Variants in NUP188 observed in about 807,000 individuals in gnomAD.
The protein encoded by NUP188 is nucleoporin NUP188.
In NUP188, 97 loss-of-function variants were observed where a neutral mutation model predicts 223.0. The observed-to-expected ratio is 0.43, with a 90% CI of 0.37 to 0.51. The LOEUF is 0.51. NUP188 is among the 20% of genes least tolerant of loss of function. NUP188 has a pLI of 0.00. For synonymous variants in NUP188, 869 were observed against 828.0 expected, an observed-to-expected ratio of 1.05 and a Z score of -0.85; for missense variants, 1,947 against 2,175.6, an observed-to-expected ratio of 0.89 and a Z score of 2.09.
chr9:128,982,803 A>T, intron 16 of NUP188, 99 bp from the exon 17 acceptor site: 2 of 1,588,562 alleles, frequency 1.3e-6, no homozygotes, highest in Non-Finnish European at 8.6e-7. Flanking sequence ...AACCATCAAG[A>T]TTGTGATTTG....
At chr9:128,990,340 A>G (rs1262449200) in intron 25 of NUP188, 114 bp downstream of exon 25, 3 of 863,318 alleles carry the variant, frequency 3.5e-6, no homozygotes, top group South Asian at 2.8e-5. Flanking sequence ...ATATAATTCC[A>G]GCACTTTGGG....
intron 20 of NUP188, 38 bp downstream of exon 20, chr9:128,985,052 A>C (rs1353988236): frequency 2.1e-6 from 3 of 1,435,746 alleles, no homozygotes; most frequent in Non-Finnish European, 2.9e-6. Flanking sequence ...CAGAAAAAGA[A>C]AAGGTCCAGT....
Position 129,005,776 on chromosome 9 carries a change from G to A in NUP188, c.4869G>A (p.Glu1623=), listed in dbSNP as rs1389577675. 6.2e-7 allele frequency: 1 copy of A among 1,607,538 alleles called. No homozygotes were observed. Residue 1623 remains glutamate, a splice_region_variant and synonymous_variant, in exon 41 of 44, where the codon GAG becomes GAA. Transcript: ENST00000372577. ...TVNVALNMLG[E]LDKKKEPLTQ... is the part of the protein sequence containing the mutation. ...ATGTGGCCCTCAACATGCTTGGAGA[G>A]GTAAGTTGGTTCTGTCAGACACTGT... is the stretch of plus-strand genomic sequence containing the variant.
At chr9:129,001,134 A>G (rs1371318542) in intron 34 of NUP188, among the ~76,000 whole-genome samples, 2 of 152,174 alleles carry the variant, frequency 1.3e-5, no homozygotes, top group Non-Finnish European at 2.9e-5. Context: ...AGGATTATTT[A>G]GGAGATGGTT....
intron 31 of NUP188, 92 bp from the exon 32 acceptor site, chr9:128,998,446 C>T: frequency 8.4e-7 from 1 of 1,196,252 alleles, no homozygotes; most frequent in Non-Finnish European, 1.2e-6. Flanking sequence ...GAGCTCACTG[C>T]TGGGGAAGAA....
intron 8 of NUP188, among the ~76,000 whole-genome samples, chr9:128,966,128 C>CGTGTGTGTGTGTGTGTGT: frequency 7.3e-6 from 1 of 136,864 alleles, no homozygotes; most frequent in South Asian, 2.4e-4. Flanking sequence ...TTTCTGCCTC[C>CGTGTGTGTGTGTGTGTGT]GTGTGTGTGT....
rs1442794896 is a variant in NUP188, at chr9:128,959,068, C to T, written c.519C>T (p.Tyr173=). The part of the protein sequence containing the change: ...DKLEKELVSK[Y]RQQFEELYKT... ...TGGAGAAGGAACTAGTTTCAAAATA[C>T]AGACAGCAGTTCGAAGAGCTTTATA... The change falls in exon 8 of 44, where the codon TAC becomes TAT. Residue 173 remains tyrosine, a synonymous_variant. Transcript: ENST00000372577. 1 of 1,602,334 alleles carries T rather than the reference C, an allele frequency of 6.2e-7. No individual in the cohort carries two copies. Among genetic ancestry groups the T allele is most frequent in the East Asian group, 2.2e-5 (1 of 44,466 alleles).
rs1588266447 is a variant in NUP188, at chr9:128,951,218, G to A, written c.88-1555G>A. 2.7e-5 allele frequency among the ~76,000 whole-genome samples: 4 copies of A among 150,860 alleles called. No homozygotes were observed. In the East Asian group the frequency reaches 7.8e-4, roughly 29 times the overall value. ...AGCTACTCGGGAGGCTGAGGCAGGA[G>A]ATTCGCTTGAACCCGGAAGTGGAGG... On this transcript the variant is annotated intron_variant, in intron 2 of 43. Transcript: ENST00000372577.
At chr9:128,947,776 G>C in intron 1 of NUP188, 25 bp downstream of exon 1, 1 of 1,403,118 alleles carries the variant, frequency 7.1e-7, no homozygotes, top group Non-Finnish European at 9.3e-7. Flanking sequence ...GAATGGACCG[G>C]GGTGGCTGTG....
chr9:129,004,281 CAAA>C (rs560251172), intron 38 of NUP188, among the ~76,000 whole-genome samples: 10 of 89,658 alleles, frequency 1.1e-4, no homozygotes, highest in Admixed American at 4.2e-4. Context: ...GACTCCGTCT[CAAA>C]AAAAAAAAAA....
At chr9:129,005,064 C>A (rs1842755817) in intron 38 of NUP188, 83 bp from the exon 39 acceptor site, 2 of 922,004 alleles carry the variant, frequency 2.2e-6, no homozygotes, top group East Asian at 4.8e-5. Flanking sequence ...ATGGGTGTTA[C>A]ATGGAGGGCT....
rs748317043 is a variant in NUP188, at chr9:128,990,139, C to T, written c.2553C>T (p.Leu851=). The change falls in exon 25 of 44, where the codon CTC becomes CTT. Residue 851 remains leucine (L), a synonymous_variant. Coordinates refer to ENST00000372577, the MANE Select transcript of NUP188 (RefSeq NM_015354.3). ...LSQHGAHGNN[L]IAVLAKYIYH... ...CTTTAGGTGCTCATGGAAACAACCT[C>T]ATTGCTGTTCTAGCCAAATACATCT... The T allele has an allele frequency of 6.2e-7, 1 of 1,613,926 alleles. No individual in the cohort carries two copies. Among genetic ancestry groups the T allele is most frequent in the Non-Finnish European group, 8.5e-7 (1 of 1,179,784 alleles).
At chr9:128,966,673 C>A (rs1014784776) in intron 8 of NUP188, among the ~76,000 whole-genome samples, 7 of 152,134 alleles carry the variant, frequency 4.6e-5, no homozygotes, top group African/African-American at 1.7e-4. Context: ...TTATTTGATT[C>A]TGTTATCAGA....
intron 8 of NUP188, among the ~76,000 whole-genome samples, chr9:128,960,531 C>T (rs1180251390): frequency 6.6e-6 from 1 of 152,114 alleles, no homozygotes; most frequent in Non-Finnish European, 1.5e-5. Flanking sequence ...ACATTTCTGT[C>T]TCAGAAAGTT....
At chr9:128,947,902 T>C (rs1841710823) in intron 1 of NUP188, 151 bp downstream of exon 1, 1 of 623,000 alleles carries the variant, frequency 1.6e-6, no homozygotes, top group Non-Finnish European at 2.4e-6. Flanking sequence ...GGCGGTTACG[T>C]CCAAACGGTC....
At chr9:128,987,161 C>G (rs1452682053) in intron 22 of NUP188, among the ~76,000 whole-genome samples, 1 of 147,146 alleles carries the variant, frequency 6.8e-6, no homozygotes, top group Non-Finnish European at 1.5e-5. Flanking sequence ...ATATATTAAT[C>G]ATTCTTTATG....
intron 35 of NUP188, 61 bp downstream of exon 35, chr9:129,001,790 A>G (rs1007957083): frequency 1.3e-6 from 2 of 1,599,552 alleles, no homozygotes; most frequent in Admixed American, 1.7e-5. Context: ...GGTTCTGACA[A>G]TCCCAGAAGC....
intron 6 of NUP188, 81 bp from the exon 7 acceptor site, chr9:128,958,720 TA>T: frequency 4.5e-6 from 3 of 663,110 alleles, no homozygotes; most frequent in Admixed American, 2.7e-5. Context: ...TCCACATCTT[TA>T]AGTGAAATTA....
intron 8 of NUP188, among the ~76,000 whole-genome samples, chr9:128,962,524 C>A (rs528103005): frequency 6.6e-6 from 1 of 152,066 alleles, no homozygotes; most frequent in Non-Finnish European, 1.5e-5. Context: ...GCTGGGACTA[C>A]AGGCGTGAGC....
Sources: allele counts gnomAD v4.1 joint callset (sites outside exome capture counted in the v4.1 genomes callset), GRCh38; gene constraint gnomAD v4.1.1; transcripts MANE v1.5; gene names NCBI Gene and HGNC (gene_info 2026-07-23, HGNC 2026-07-21).